CHD6: variants seen among roughly 807,000 people sequenced by gnomAD.
CHD6 encodes the protein ATP-dependent chromatin remodeler CHD6.
In CHD6, 50 loss-of-function variants were observed where a neutral mutation model predicts 276.9. The observed-to-expected ratio is 0.18, with a 90% CI of 0.14 to 0.23. The LOEUF (loss-of-function observed/expected upper bound fraction) is 0.23. Among genes scored for constraint, CHD6 ranks in the 10% least tolerant of loss-of-function variants. The pLI, the probability that CHD6 is intolerant of heterozygous loss-of-function variation, is 1.00. For synonymous variants in CHD6, 1,173 were observed against 1,229.3 expected (o/e 0.95, Z 0.96); for missense variants, 2,564 against 3,365.8 (o/e 0.76, Z 5.89).
intron 1 of CHD6, among the ~76,000 whole-genome samples, chr20:41,589,071 A>G (rs2045628015): frequency 6.6e-6 from 1 of 152,202 alleles, no homozygotes; most frequent in African/African-American, 2.4e-5. Flanking sequence ...ACATACGCAA[A>G]TCAATAAACG....
At chr20:41,425,056 TG>T in intron 29 of CHD6, 121 bp downstream of exon 29, 1 of 732,132 alleles carries the variant, frequency 1.4e-6, no homozygotes, top group Non-Finnish European at 2.3e-6. Flanking sequence ...TAATGAATTC[TG>T]GAGACAACCT....
At chr20:41,408,204 C>T (rs2046736752) in intron 36 of CHD6, among the ~76,000 whole-genome samples, 1 of 150,460 alleles carries the variant, frequency 6.6e-6, no homozygotes, top group African/African-American at 2.5e-5. Context: ...ATATTTAGTC[C>T]CCTTCGTTTT....
At chr20:41,477,742 T>C (rs780259018) in intron 16 of CHD6, among the ~76,000 whole-genome samples, 1 of 152,166 alleles carries the variant, frequency 6.6e-6, no homozygotes, top group Non-Finnish European at 1.5e-5. Flanking sequence ...CACAACCTAA[T>C]TTAATAGTGC....
intron 5 of CHD6, among the ~76,000 whole-genome samples, chr20:41,507,533 A>G (rs1434784204): frequency 6.6e-6 from 1 of 152,190 alleles, no homozygotes; most frequent in Non-Finnish European, 1.5e-5. Flanking sequence ...TACACATCGA[A>G]GTAGGAAGGG....
chr20:41,427,361 G>A (rs1048245180), intron 27 of CHD6, among the ~76,000 whole-genome samples: 2 of 151,974 alleles, frequency 1.3e-5, no homozygotes, highest in Non-Finnish European at 2.9e-5. Flanking sequence ...CTAATATTAC[G>A]GAGAACTACG....
intron 23 of CHD6, among the ~76,000 whole-genome samples, chr20:41,450,687 T>C (rs902869370): frequency 1.3e-5 from 2 of 152,108 alleles, no homozygotes; most frequent in African/African-American, 4.8e-5. Flanking sequence ...AGAGTCAAAA[T>C]AGAAAAATCC....
chr20:41,482,529 A>C, intron 16 of CHD6: 1 of 513,706 alleles, frequency 1.9e-6, no homozygotes, highest in South Asian at 1.4e-5. Context: ...GAGATTTGCT[A>C]TGAAAACAAG....
At chr20:41,528,056 T>C (rs900007218) in intron 3 of CHD6, among the ~76,000 whole-genome samples, 1 of 152,222 alleles carries the variant, frequency 6.6e-6, no homozygotes, top group African/African-American at 2.4e-5. Context: ...TCATTATACA[T>C]TATCCAGTCT....
At chr20:41,581,880 A>T (rs1345181875) in intron 1 of CHD6, among the ~76,000 whole-genome samples, 1 of 152,158 alleles carries the variant, frequency 6.6e-6, no homozygotes, top group Middle Eastern at 3.2e-3. Context: ...TTCCCTCAAA[A>T]CCTTATTGTC....
At chr20:41,516,617 T>C (rs1277415179) in intron 3 of CHD6, among the ~76,000 whole-genome samples, 1 of 152,090 alleles carries the variant, frequency 6.6e-6, no homozygotes, top group African/African-American at 2.4e-5. Flanking sequence ...ATCATAGCAT[T>C]CTTGGGGAAT....
chr20:41,439,609 A>C (rs528808241), intron 26 of CHD6, among the ~76,000 whole-genome samples: 12 of 152,292 alleles, frequency 7.9e-5, no homozygotes, highest in Admixed American at 3.9e-4. Flanking sequence ...GAGGAACTGC[A>C]GTTCAAAGTC....
chr20:41,527,596 T>G (rs1255246962), intron 3 of CHD6, among the ~76,000 whole-genome samples: 1 of 152,218 alleles, frequency 6.6e-6, no homozygotes, highest in Non-Finnish European at 1.5e-5. Flanking sequence ...TCCTGCTCAC[T>G]CGGCTGTGCC....
intron 1 of CHD6, among the ~76,000 whole-genome samples, chr20:41,606,880 A>G (rs1053404731): frequency 6.6e-6 from 1 of 152,166 alleles, no homozygotes; most frequent in African/African-American, 2.4e-5. Flanking sequence ...TATTTTTATA[A>G]GCTCTTCAGA....
chr20:41,421,649 T>G lies in CHD6; in HGVS notation c.4986A>C (p.Leu1662=). The stretch of plus-strand genomic sequence containing the variant: ...GATCATCTCTGCTTTCTACTCTCAC[T>G]AGATTTTCAGGTTCATTTTCAAGGG... The part of the protein sequence containing the change: ...SESLENEPEN[L]VRVESRDDHL... Residue 1662 remains leucine, a synonymous_variant, in exon 31 of 37, where the codon CTA becomes CTC. Coordinates refer to ENST00000373233, the MANE Select transcript of CHD6 (RefSeq NM_032221.5). 2 of 1,613,620 alleles carry G rather than the reference T, an allele frequency of 1.2e-6. No homozygotes were observed.
chr20:41,453,145 G>A lies in CHD6; in HGVS notation c.3121-203C>T, dbSNP rs528261879. ...TTCTCTGGGACTTGCTCAAGTTGAT[G>A]TGCTCCCTGGCCCCCAGTGCTGCTT... On this transcript the variant is annotated intron_variant, in intron 20 of 36. Coordinates refer to ENST00000373233, the MANE Select transcript of CHD6 (RefSeq NM_032221.5). 2.0e-5 allele frequency among the ~76,000 whole-genome samples: 3 copies of A among 152,124 alleles called. No individual in the cohort carries two copies. In the South Asian group the frequency reaches 6.2e-4, roughly 32 times the overall value.
chr20:41,409,410 G>C (rs1475816080), intron 36 of CHD6, among the ~76,000 whole-genome samples: 1 of 152,220 alleles, frequency 6.6e-6, no homozygotes, highest in African/African-American at 2.4e-5. Context: ...GCACACTGGA[G>C]GCAAATCTGC....
intron 17 of CHD6, among the ~76,000 whole-genome samples, chr20:41,472,852 G>C (rs2043086344): frequency 6.6e-6 from 1 of 152,202 alleles, no homozygotes; most frequent in Admixed American, 6.5e-5. Context: ...GTGTTGCACT[G>C]TGTGGAGAAC....
chr20:41,514,754 A>T lies in CHD6; in HGVS notation c.702+51T>A, dbSNP rs768253787. ...GAGCAACACGATCAGTGTCAGCCAGATCCCATCCAGGAGCCGTAATCTCCA... is the reference window on the plus strand; with the variant it reads ...GAGCAACACGATCAGTGTCAGCCAGTTCCCATCCAGGAGCCGTAATCTCCA... On this transcript the variant is annotated intron_variant, in intron 4 of 36. Coordinates refer to ENST00000373233, the MANE Select transcript of CHD6 (RefSeq NM_032221.5). 29 of 1,601,524 alleles carry T rather than the reference A, an allele frequency of 1.8e-5. No homozygotes were observed. The South Asian group carries it at 3.1e-4, about 17-fold the overall frequency.
intron 3 of CHD6, among the ~76,000 whole-genome samples, chr20:41,521,431 A>G (rs977047818): frequency 1.5e-4 from 23 of 152,212 alleles, no homozygotes; most frequent in African/African-American, 3.6e-4. Flanking sequence ...ATGAAATGCT[A>G]TAAGGCAAGG....
Sources: gnomAD v4.1 joint callset for allele counts (sites outside exome capture counted in the v4.1 genomes callset) on GRCh38, gnomAD v4.1.1 for gene constraint, MANE v1.5 for transcripts, NCBI Gene and HGNC (gene_info 2026-07-23, HGNC 2026-07-21) for gene names.